EIF4G3: variants seen among roughly 807,000 people sequenced by gnomAD.
The protein encoded by EIF4G3 is eukaryotic translation initiation factor 4 gamma 3, also known as eIF-4-gamma 3.
A neutral mutation model predicts 186.4 loss-of-function variants in EIF4G3; 34 were observed. The observed-to-expected ratio is 0.18, with a 90% confidence interval of 0.14 to 0.24. The LOEUF (loss-of-function observed/expected upper bound fraction) is 0.24. Among genes scored for constraint, EIF4G3 ranks in the 10% least tolerant of loss-of-function variants. EIF4G3 has a pLI of 1.00. For missense variants in EIF4G3, 1,536 were observed against 1,948.5 expected, an observed-to-expected ratio of 0.79 and a Z score of 3.99; for synonymous variants, 673 against 679.5, an observed-to-expected ratio of 0.99 and a Z score of 0.15.
chr1:20,979,692 T>C (rs1376885338), intron 10 of EIF4G3, among the ~76,000 whole-genome samples: 2 of 152,100 alleles, frequency 1.3e-5, no homozygotes, highest in Non-Finnish European at 2.9e-5. Flanking sequence ...GAAGATGTCA[T>C]TAACTAAATA....
intron 24 of EIF4G3, among the ~76,000 whole-genome samples, chr1:20,859,678 C>G (rs562208679): frequency 1.9e-4 from 29 of 152,360 alleles, no homozygotes; most frequent in African/African-American, 7.0e-4. Flanking sequence ...CGGCTCACCG[C>G]AACCTCCACC....
intron 3 of EIF4G3, among the ~76,000 whole-genome samples, chr1:21,054,800 C>T (rs1180133574): frequency 6.6e-6 from 1 of 151,930 alleles, no homozygotes; most frequent in Non-Finnish European, 1.5e-5. Context: ...TCTTCAGGAT[C>T]AGCTACCTGA....
At chr1:20,901,506 T>A (rs1253952190) in intron 15 of EIF4G3, among the ~76,000 whole-genome samples, 1 of 152,180 alleles carries the variant, frequency 6.6e-6, no homozygotes, top group Non-Finnish European at 1.5e-5. Flanking sequence ...AACTTTTTTT[T>A]AGAGAATACA....
chr1:21,088,414 C>A (rs1462465375), intron 3 of EIF4G3, among the ~76,000 whole-genome samples: 1 of 137,144 alleles, frequency 7.3e-6, no homozygotes, highest in Non-Finnish European at 1.6e-5. Flanking sequence ...AGCAAAACTC[C>A]ATCTCAAAAT....
At chr1:21,067,154 C>T (rs1168820274) in intron 3 of EIF4G3, among the ~76,000 whole-genome samples, 16 of 102,576 alleles carry the variant, frequency 1.6e-4, no homozygotes, top group Non-Finnish European at 1.2e-4. Context: ...TTTTTTGAGA[C>T]GGAGTTTCAT....
intron 14 of EIF4G3, among the ~76,000 whole-genome samples, chr1:20,921,430 A>C (rs868169058): frequency 6.6e-6 from 1 of 152,230 alleles, no homozygotes. Flanking sequence ...CTTAACCAAC[A>C]GTGTGCCTCA....
chr1:20,818,974 T>C (rs1425449995), intron 33 of EIF4G3, among the ~76,000 whole-genome samples: 1 of 152,156 alleles, frequency 6.6e-6, no homozygotes, highest in African/African-American at 2.4e-5. Flanking sequence ...CTCACTATGT[T>C]GCCAAGTTGG....
In EIF4G3 at chr1:20,824,228, A is replaced by C. The variant is rs543164561; in HGVS notation, c.4368+872T>G. 2.6e-5 allele frequency among the ~76,000 whole-genome samples: 4 copies of C among 152,350 alleles called. No homozygotes were observed. In the South Asian group the frequency reaches 8.3e-4, roughly 32 times the overall value. On this transcript the variant is annotated intron_variant, in intron 33 of 36. Coordinates refer to ENST00000602326, the MANE Select transcript of EIF4G3 (RefSeq NM_001391906.1). ...GAAGTTATGCTTCATGCAGGTTCTT[A>C]TTGCTGTGGCAAGAATGCTCTTCAG...
Position 20,893,523 on chromosome 1 carries a change from G to C in EIF4G3, c.2247C>G (p.Gly749=). The C allele has an allele frequency of 6.3e-7, 1 of 1,597,952 alleles. No individual in the cohort carries two copies. The change falls in exon 18 of 37, where the codon GGC becomes GGG. Residue 749 remains glycine, a synonymous_variant. Transcript: ENST00000602326. The part of the protein sequence containing the change: ...DFGRQTPGGR[G]VPLLNVGSRR... ...GTAGGGAACTTGCACTTACAGGTAC[G>C]CCTCTTCCACCAGGTGTCTGCCTTC...
At chr1:21,101,986 CA>C (rs2101851275) in intron 2 of EIF4G3, among the ~76,000 whole-genome samples, 1 of 152,038 alleles carries the variant, frequency 6.6e-6, no homozygotes, top group South Asian at 2.1e-4. Flanking sequence ...TCATAAATTA[CA>C]AATTAAAAAA....
intron 19 of EIF4G3, among the ~76,000 whole-genome samples, chr1:20,879,818 T>C (rs994179368): frequency 2.0e-5 from 3 of 152,180 alleles, no homozygotes; most frequent in Non-Finnish European, 2.9e-5. Context: ...GCTTTAAAAC[T>C]GTGTATGTAA....
chr1:20,825,084 T>C lies in EIF4G3; in HGVS notation c.4368+16A>G. The C allele has an allele frequency of 6.4e-7, 1 of 1,555,158 alleles. No individual in the cohort carries two copies. Among genetic ancestry groups the C allele is most frequent in the Non-Finnish European group, 8.8e-7 (1 of 1,136,652 alleles). Reference sequence around the variant, plus strand: ...TCAACTACTATCAAACAGCAAAACATAAGCCTTGTTCTTACCTGCTCCAAA... The same window carrying C: ...TCAACTACTATCAAACAGCAAAACACAAGCCTTGTTCTTACCTGCTCCAAA... On this transcript the variant is annotated intron_variant, in intron 33 of 36. Transcript: ENST00000602326.
At chr1:20,899,632 C>T in intron 16 of EIF4G3, 65 bp downstream of exon 16, 1 of 1,570,132 alleles carries the variant, frequency 6.4e-7, no homozygotes, top group Non-Finnish European at 8.7e-7. Context: ...TAAAAAGAGG[C>T]AACATTTCTC....
chr1:21,059,840 T>C (rs575661744), intron 3 of EIF4G3, among the ~76,000 whole-genome samples: 1 of 152,068 alleles, frequency 6.6e-6, no homozygotes, highest in Admixed American at 6.6e-5. Context: ...GGAGGGTCAG[T>C]AACAATGCTA....
Position 20,873,646 on chromosome 1 carries a change from C to T in EIF4G3, c.2622+5677G>A, listed in dbSNP as rs2154553336. Among the ~76,000 whole-genome samples, 3 of 147,304 alleles carry T rather than the reference C, an allele frequency of 2.0e-5. No homozygotes were observed. In the South Asian group the frequency reaches 6.4e-4, roughly 32 times the overall value. On this transcript the variant is annotated intron_variant, in intron 20 of 36. Transcript: ENST00000602326. ...TTCAATCTAGTGGGGGTGAATTTTA[C>T]AGAACTATGGTTTATCTTTTCTTAG...
chr1:20,983,646 C>G (rs2078786283), intron 7 of EIF4G3, among the ~76,000 whole-genome samples: 1 of 152,154 alleles, frequency 6.6e-6, no homozygotes, highest in South Asian at 2.1e-4. Flanking sequence ...ACTTACTGGG[C>G]ATTGCTAAAT....
At chr1:20,924,354 T>C (rs191718414) in intron 14 of EIF4G3, among the ~76,000 whole-genome samples, 23 of 152,278 alleles carry the variant, frequency 1.5e-4, no homozygotes, top group Non-Finnish European at 2.8e-4. Flanking sequence ...ATGATACAAA[T>C]GGTATCAGAA....
chr1:21,001,905 C>T (rs1169420068), intron 5 of EIF4G3, among the ~76,000 whole-genome samples: 1 of 152,118 alleles, frequency 6.6e-6, no homozygotes, highest in Non-Finnish European at 1.5e-5. Flanking sequence ...GGCAAAAAGG[C>T]AGGGGCAGGG....
chr1:20,969,367 A>G (rs1311637353), intron 12 of EIF4G3, 107 bp downstream of exon 12: 41 of 1,336,644 alleles, frequency 3.1e-5, no homozygotes. Flanking sequence ...AGGCTGCGAG[A>G]CAACTGATGG....
Sources: allele counts gnomAD v4.1 joint callset (sites outside exome capture counted in the v4.1 genomes callset), GRCh38; gene constraint gnomAD v4.1.1; transcripts MANE v1.5; gene names NCBI Gene and HGNC (gene_info 2026-07-23, HGNC 2026-07-21).